Variants in GRIP1 observed in about 807,000 individuals in gnomAD.
GRIP1 encodes the protein glutamate receptor-interacting protein 1.
In GRIP1, 45 loss-of-function variants were observed where a neutral mutation model predicts 129.9. That is an observed-to-expected ratio of 0.35 (90% CI 0.27 to 0.44). GRIP1 has a LOEUF of 0.44. GRIP1 is among the 20% of genes least tolerant of loss of function. GRIP1 has a pLI of 1.00. For missense variants in GRIP1, 1,196 were observed against 1,396.8 expected (o/e 0.86, Z 2.29); for synonymous variants, 530 against 520.8 (o/e 1.02, Z -0.24).
intron 4 of GRIP1, among the ~76,000 whole-genome samples, chr12:66,537,011 T>C (rs1166840958): frequency 6.6e-6 from 1 of 151,984 alleles, no homozygotes; most frequent in African/African-American, 2.4e-5. Context: ...TACCTCACAA[T>C]GAATATGCAT....
At chr12:66,764,224 G>C (rs1437944798) in intron 1 of GRIP1, among the ~76,000 whole-genome samples, 2 of 152,162 alleles carry the variant, frequency 1.3e-5, no homozygotes, top group African/African-American at 2.4e-5. Flanking sequence ...GCCAATAGCT[G>C]ATCAATATAA....
At chr12:66,585,802 G>A (rs2063608305) in intron 2 of GRIP1, among the ~76,000 whole-genome samples, 1 of 151,376 alleles carries the variant, frequency 6.6e-6, no homozygotes, top group East Asian at 1.9e-4. Flanking sequence ...ATTCTAACTG[G>A]TGTGAGATGG....
At chr12:66,960,154 A>G (rs1033117947) in intron 1 of GRIP1, among the ~76,000 whole-genome samples, 2 of 152,200 alleles carry the variant, frequency 1.3e-5, no homozygotes, top group Non-Finnish European at 2.9e-5. Flanking sequence ...AGCACATGCA[A>G]GTGGCTTGTT....
intron 24 of GRIP1, among the ~76,000 whole-genome samples, chr12:66,351,117 T>C (rs749214046): frequency 1.3e-5 from 2 of 152,216 alleles, no homozygotes; most frequent in African/African-American, 2.4e-5. Flanking sequence ...AATTGTTCTA[T>C]TGCCATAGTA....
chr12:66,864,438 G>C (rs1474724013), intron 1 of GRIP1, among the ~76,000 whole-genome samples: 1 of 152,230 alleles, frequency 6.6e-6, no homozygotes, highest in African/African-American at 2.4e-5. Flanking sequence ...GTTTAGGGCT[G>C]GGTGTGGTGG....
chr12:66,801,669 GCTGA>G (rs2038861793), intron 1 of GRIP1, among the ~76,000 whole-genome samples: 1 of 152,132 alleles, frequency 6.6e-6, no homozygotes, highest in African/African-American at 2.4e-5. Flanking sequence ...GTTCTTTTTA[GCTGA>G]CTATTTCATT....
chr12:66,794,974 C>T (rs541548829), intron 1 of GRIP1, among the ~76,000 whole-genome samples: 4 of 152,286 alleles, frequency 2.6e-5, no homozygotes, highest in African/African-American at 9.6e-5. Flanking sequence ...TGGAAATTTA[C>T]AACCAACTGC....
chr12:66,706,031 C>T (rs1259992896), intron 1 of GRIP1, among the ~76,000 whole-genome samples: 1 of 152,128 alleles, frequency 6.6e-6, no homozygotes, highest in Non-Finnish European at 1.5e-5. Flanking sequence ...AAAGCAACTG[C>T]AACAAAAGCC....
chr12:66,375,207 GA>G (rs1447667670), intron 22 of GRIP1, among the ~76,000 whole-genome samples: 1 of 152,112 alleles, frequency 6.6e-6, no homozygotes. Context: ...AGAAATATCT[GA>G]TAAGAGAGGT....
At chr12:66,875,160 T>A (rs1460390567) in intron 1 of GRIP1, among the ~76,000 whole-genome samples, 1 of 152,106 alleles carries the variant, frequency 6.6e-6, no homozygotes, top group African/African-American at 2.4e-5. Context: ...TCACCTTGTC[T>A]TGTTCATTCA....
At chr12:66,888,814 T>C (rs368804780) in intron 1 of GRIP1, among the ~76,000 whole-genome samples, 4 of 152,222 alleles carry the variant, frequency 2.6e-5, no homozygotes, top group African/African-American at 9.6e-5. Context: ...ACACAGTTGC[T>C]ATCATCAAAT....
intron 4 of GRIP1, among the ~76,000 whole-genome samples, chr12:66,534,880 T>C (rs1592505776): frequency 6.6e-6 from 1 of 152,088 alleles, no homozygotes; most frequent in African/African-American, 2.4e-5. Flanking sequence ...TTTTAGTAGA[T>C]ACAGGGTTTC....
intron 1 of GRIP1, among the ~76,000 whole-genome samples, chr12:66,844,278 G>A (rs1396517396): frequency 6.6e-6 from 1 of 151,598 alleles, no homozygotes; most frequent in African/African-American, 2.4e-5. Context: ...ATTTTAAATG[G>A]GCAAAAGACT....
intron 7 of GRIP1, among the ~76,000 whole-genome samples, chr12:66,493,538 G>A (rs528453070): frequency 2.0e-5 from 3 of 152,102 alleles, no homozygotes; most frequent in Non-Finnish European, 4.4e-5. Flanking sequence ...TATGCCACTG[G>A]AACATATACT....
intron 1 of GRIP1, among the ~76,000 whole-genome samples, chr12:66,860,772 G>A (rs2088183142): frequency 6.6e-6 from 1 of 152,054 alleles, no homozygotes; most frequent in South Asian, 2.1e-4. Flanking sequence ...GATACATAAT[G>A]TCTAGAGTGG....
At chr12:66,662,401 A>T (rs2033563698) in intron 1 of GRIP1, among the ~76,000 whole-genome samples, 1 of 152,140 alleles carries the variant, frequency 6.6e-6, no homozygotes, top group Admixed American at 6.5e-5. Context: ...ATCATGCATA[A>T]CCTGTTTAAC....
At chr12:66,499,832 T>C (rs900793967) in intron 7 of GRIP1, among the ~76,000 whole-genome samples, 2 of 151,972 alleles carry the variant, frequency 1.3e-5, no homozygotes, top group African/African-American at 4.8e-5. Flanking sequence ...AGGGAGACCC[T>C]GTCTCTACAA....
intron 2 of GRIP1, among the ~76,000 whole-genome samples, chr12:66,576,987 G>A (rs2063158746): frequency 2.6e-5 from 4 of 152,188 alleles, no homozygotes; most frequent in Middle Eastern, 3.2e-3. Context: ...GTGAGCTAAT[G>A]GTTTTCTTGA....
intron 2 of GRIP1, chr12:66,567,425 C>T (rs919292257): frequency 2.0e-5 from 3 of 152,114 alleles, no homozygotes; most frequent in African/African-American, 7.2e-5. Flanking sequence ...GGAAGTAAAG[C>T]ACTCCTCAGC....
Sources: allele counts gnomAD v4.1 joint callset (sites outside exome capture counted in the v4.1 genomes callset), GRCh38; gene constraint gnomAD v4.1.1; transcripts MANE v1.5; gene names NCBI Gene and HGNC (gene_info 2026-07-23, HGNC 2026-07-21).